The following MNAT1 variants were observed in gnomAD, a reference collection of about 807,000 sequenced individuals.
The protein encoded by MNAT1 is CDK-activating kinase assembly factor MAT1.
Under a neutral mutation model 42.0 loss-of-function variants are expected in MNAT1, and 43 were observed. The observed-to-expected ratio is 1.02, with a 90% CI of 0.80 to 1.32. The LOEUF (loss-of-function observed/expected upper bound fraction) is 1.32. Among genes scored for constraint, MNAT1 ranks in the 40% most tolerant of loss-of-function variants. The pLI, the probability that MNAT1 is intolerant of heterozygous loss-of-function variation, is 0.00. For synonymous variants in MNAT1, 118 were observed against 120.0 expected (o/e 0.98, Z 0.11); for missense variants, 306 against 350.4 (o/e 0.87, Z 1.01).
At chr14:60,913,051 C>T (rs1566552878) in intron 7 of MNAT1, among the ~76,000 whole-genome samples, 1 of 152,112 alleles carries the variant, frequency 6.6e-6, no homozygotes, top group Admixed American at 6.6e-5. Flanking sequence ...CTCTAAACTT[C>T]TCTTCACGCT....
chr14:60,757,538 C>G (rs1477069872), intron 1 of MNAT1, among the ~76,000 whole-genome samples: 2 of 152,168 alleles, frequency 1.3e-5, no homozygotes, highest in Non-Finnish European at 2.9e-5. Flanking sequence ...AACCAAACAG[C>G]AGCTATGAGC....
intron 6 of MNAT1, among the ~76,000 whole-genome samples, chr14:60,873,782 T>A (rs948776392): frequency 1.3e-5 from 2 of 152,178 alleles, no homozygotes; most frequent in Non-Finnish European, 2.9e-5. Flanking sequence ...TTAGGCAGAT[T>A]TTAAAAATAG....
intron 7 of MNAT1, among the ~76,000 whole-genome samples, chr14:60,952,462 T>A (rs529847816): frequency 6.6e-6 from 1 of 151,994 alleles, no homozygotes; most frequent in African/African-American, 2.4e-5. Flanking sequence ...GTGAAAGAGG[T>A]AATAAAGACC....
intron 6 of MNAT1, among the ~76,000 whole-genome samples, chr14:60,878,108 T>A (rs796904010): frequency 4.1e-4 from 63 of 152,174 alleles, no homozygotes; most frequent in African/African-American, 1.5e-3. Context: ...GTCAAAGTTG[T>A]TTAGTAAAAA....
At chr14:60,772,545 A>G (rs2031097423) in intron 1 of MNAT1, among the ~76,000 whole-genome samples, 2 of 151,934 alleles carry the variant, frequency 1.3e-5, no homozygotes, top group African/African-American at 4.8e-5. Context: ...CAGTGAGCCA[A>G]GATTTGTGCC....
At chr14:60,868,631 C>A (rs765329187) in intron 6 of MNAT1, among the ~76,000 whole-genome samples, 1 of 152,086 alleles carries the variant, frequency 6.6e-6, no homozygotes, top group African/African-American at 2.4e-5. Flanking sequence ...GGGGCTTGAT[C>A]TGTTTTGTTT....
intron 1 of MNAT1, among the ~76,000 whole-genome samples, chr14:60,755,685 C>T (rs185763485): frequency 5.9e-5 from 9 of 152,324 alleles, no homozygotes; most frequent in East Asian, 3.9e-4. Context: ...TTAAACCTAG[C>T]GCAGCCAGTT....
intron 1 of MNAT1, among the ~76,000 whole-genome samples, chr14:60,757,465 C>T (rs904671826): frequency 6.6e-6 from 1 of 152,040 alleles, no homozygotes; most frequent in Admixed American, 6.5e-5. Flanking sequence ...ACTGAAATGT[C>T]TTGTTTGATA....
At position 60,869,023 on chromosome 14, in the gene MNAT1, C is replaced by CATATATATAT. The variant is rs1169429243; in HGVS notation, c.688-10682_688-10673dup. On this transcript the variant is annotated intron_variant, in intron 6 of 7. Transcript: ENST00000261245. The stretch of plus-strand genomic sequence containing the variant: ...CTTTTTTATATTGTGTTATTTTATA[C>CATATATATAT]ATATATATATATATATATTTTTTTT... Among the ~76,000 whole-genome samples, 213 of 101,724 alleles carry CATATATATAT rather than the reference C, an allele frequency of 2.1e-3. 3 individuals are homozygous for CATATATATAT. The highest frequency in any genetic ancestry group is 6.0e-3 in the Middle Eastern group (1 of 166). 66.7% of individuals were successfully genotyped at this position (101,724 alleles called of 152,430 possible). A position where few individuals can be genotyped will look rare whatever the true frequency, so the allele number is the denominator to read the frequency against.
At chr14:60,959,192 G>A (rs1158515917) in intron 7 of MNAT1, among the ~76,000 whole-genome samples, 1 of 152,206 alleles carries the variant, frequency 6.6e-6, no homozygotes, top group Non-Finnish European at 1.5e-5. Context: ...GCAAAAGCCT[G>A]TTAGGGTCTT....
At chr14:60,758,871 G>A (rs1429079862) in intron 1 of MNAT1, among the ~76,000 whole-genome samples, 1 of 152,022 alleles carries the variant, frequency 6.6e-6, no homozygotes, top group Non-Finnish European at 1.5e-5. Flanking sequence ...TTTTCTGTTA[G>A]TATTAAAACA....
chr14:60,912,257 G>C (rs1194551203), intron 7 of MNAT1, among the ~76,000 whole-genome samples: 1 of 152,018 alleles, frequency 6.6e-6, no homozygotes, highest in East Asian at 1.9e-4. Context: ...CACACTGATG[G>C]GTCTTGACTC....
chr14:60,959,882 A>G (rs866775938), intron 7 of MNAT1, among the ~76,000 whole-genome samples: 10 of 149,672 alleles, frequency 6.7e-5, no homozygotes, highest in African/African-American at 2.5e-4. Context: ...TATGAATGGA[A>G]CCATGCTCTT....
At chr14:60,792,912 A>C (rs1298682180) in intron 1 of MNAT1, among the ~76,000 whole-genome samples, 1 of 152,170 alleles carries the variant, frequency 6.6e-6, no homozygotes, top group Non-Finnish European at 1.5e-5. Context: ...TATTTGAAAA[A>C]ATTCCTAGCA....
At chr14:60,912,833 A>T (rs942020798) in intron 7 of MNAT1, among the ~76,000 whole-genome samples, 3 of 152,056 alleles carry the variant, frequency 2.0e-5, no homozygotes, top group Non-Finnish European at 4.4e-5. Flanking sequence ...GGAGTATCTT[A>T]GTGGCGTTCT....
intron 7 of MNAT1, among the ~76,000 whole-genome samples, chr14:60,916,238 A>C (rs1293100244): frequency 1.3e-5 from 2 of 152,192 alleles, no homozygotes; most frequent in Non-Finnish European, 2.9e-5. Context: ...TTAACCCTCA[A>C]CTTTAACATT....
chr14:60,906,208 T>A (rs905772722), intron 7 of MNAT1, among the ~76,000 whole-genome samples: 8 of 152,056 alleles, frequency 5.3e-5, no homozygotes, highest in Admixed American at 2.0e-4. Flanking sequence ...TAGGGAATGG[T>A]AGGAGAATAG....
At chr14:60,762,102 C>T (rs976178333) in intron 1 of MNAT1, among the ~76,000 whole-genome samples, 1 of 151,970 alleles carries the variant, frequency 6.6e-6, no homozygotes, top group Non-Finnish European at 1.5e-5. Context: ...CCTTCTTTTC[C>T]TATTACATCA....
chr14:60,887,878 C>A (rs1461648377), intron 7 of MNAT1, among the ~76,000 whole-genome samples: 9 of 151,752 alleles, frequency 5.9e-5, no homozygotes, highest in Non-Finnish European at 1.3e-4. Flanking sequence ...GACACACACA[C>A]CCTCCCAAGA....
Sources: allele counts gnomAD v4.1 joint callset (sites outside exome capture counted in the v4.1 genomes callset), GRCh38; gene constraint gnomAD v4.1.1; transcripts MANE v1.5; gene names NCBI Gene and HGNC (gene_info 2026-07-23, HGNC 2026-07-21).